The following MITF variants were observed in gnomAD, a reference collection of about 807,000 sequenced individuals.
MITF encodes microphthalmia-associated transcription factor.
In MITF, 17 loss-of-function variants were observed where a neutral mutation model predicts 60.5. The observed-to-expected ratio is 0.28, with a 90% CI of 0.19 to 0.42. The LOEUF is 0.42. MITF is among the 10% of genes least tolerant of loss of function. MITF has a pLI of 1.00. For synonymous variants in MITF, 260 were observed against 248.5 expected (o/e 1.05, Z -0.43); for missense variants, 622 against 683.5 (o/e 0.91, Z 1.00).
At chr3:69,957,392 T>G (rs2066425494) in intron 8 of MITF, among the ~76,000 whole-genome samples, 1 of 152,218 alleles carries the variant, frequency 6.6e-6, no homozygotes, top group Non-Finnish European at 1.5e-5. Flanking sequence ...CTTATTAAAT[T>G]TGCTGTTCAC....
chr3:69,753,590 G>A (rs543365048), intron 1 of MITF, among the ~76,000 whole-genome samples: 1 of 152,322 alleles, frequency 6.6e-6, no homozygotes, highest in East Asian at 1.9e-4. Flanking sequence ...TGCAGGGGCT[G>A]AACCCTGCAA....
At chr3:69,844,815 G>T (rs1301077141) in intron 1 of MITF, among the ~76,000 whole-genome samples, 1 of 151,874 alleles carries the variant, frequency 6.6e-6, no homozygotes, top group Non-Finnish European at 1.5e-5. Context: ...GCATTCCAGT[G>T]CTGAGACAAT....
intron 1 of MITF, among the ~76,000 whole-genome samples, chr3:69,821,808 G>A (rs992432258): frequency 2.6e-5 from 4 of 151,980 alleles, no homozygotes; most frequent in African/African-American, 7.2e-5. Flanking sequence ...CTGGAGTGCA[G>A]CGACGTGATC....
At chr3:69,833,721 G>A (rs62252222) in intron 1 of MITF, among the ~76,000 whole-genome samples, 2 of 129,372 alleles carry the variant, frequency 1.5e-5, no homozygotes, top group Non-Finnish European at 3.5e-5. Flanking sequence ...TGTTTACACT[G>A]TATGTGCTTT....
intron 3 of MITF, chr3:69,938,735 A>G (rs1323482304): frequency 1.5e-6 from 2 of 1,304,004 alleles, no homozygotes; most frequent in Non-Finnish European, 1.9e-6. Context: ...AATGCTCATT[A>G]TTTCCAAATT....
At chr3:69,752,087 T>TTC (rs1703959136) in intron 1 of MITF, 1 of 152,222 alleles carries the variant, frequency 6.6e-6, no homozygotes, top group South Asian at 2.1e-4. Flanking sequence ...GCATCATGCT[T>TTC]TCTGTGGAAC....
intron 2 of MITF, among the ~76,000 whole-genome samples, chr3:69,916,932 T>C (rs1441148731): frequency 1.3e-5 from 2 of 152,226 alleles, no homozygotes; most frequent in Non-Finnish European, 1.5e-5. Flanking sequence ...CTACCATTTT[T>C]AATATTTAGA....
intron 1 of MITF, among the ~76,000 whole-genome samples, chr3:69,812,085 G>A (rs1376994869): frequency 2.0e-5 from 3 of 152,164 alleles, no homozygotes; most frequent in Non-Finnish European, 4.4e-5. Flanking sequence ...CATTAGATTA[G>A]TAGAAACTTT....
chr3:69,909,601 G>T (rs202231255), intron 2 of MITF, among the ~76,000 whole-genome samples: 2,349 of 152,254 alleles, frequency 0.015, 28 homozygotes, highest in Middle Eastern at 0.051. Flanking sequence ...TAAGGCCCAG[G>T]CTGAGGTGGT....
At chr3:69,781,295 C>T (rs999274434) in intron 1 of MITF, among the ~76,000 whole-genome samples, 3 of 152,262 alleles carry the variant, frequency 2.0e-5, no homozygotes, top group East Asian at 1.9e-4. Context: ...TGTATCTTTT[C>T]AGAAAAGAGC....
intron 1 of MITF, among the ~76,000 whole-genome samples, chr3:69,773,649 CCTTG>C (rs2062428694): frequency 6.6e-6 from 1 of 152,094 alleles, no homozygotes. Flanking sequence ...TTACATTTCT[CCTTG>C]AGTATGCATA....
intron 1 of MITF, among the ~76,000 whole-genome samples, chr3:69,870,325 T>C (rs1299623212): frequency 6.7e-6 from 1 of 149,770 alleles, no homozygotes; most frequent in Non-Finnish European, 1.5e-5. Flanking sequence ...TACATGTATA[T>C]ATACACACAT....
At chr3:69,913,138 A>G (rs2065259556) in intron 2 of MITF, among the ~76,000 whole-genome samples, 1 of 152,064 alleles carries the variant, frequency 6.6e-6, no homozygotes, top group African/African-American at 2.4e-5. Context: ...ATGTATATAG[A>G]TATATAATTA....
rs575517799 is a variant in MITF, at chr3:69,961,961, C to A, written c.1179+2541C>A. Reference sequence around the variant, plus strand: ...GGCAGCCTTTAGAACTTTTGCATATCACAGAAAACATTATTAATTAGGAAA... The same window carrying A: ...GGCAGCCTTTAGAACTTTTGCATATAACAGAAAACATTATTAATTAGGAAA... On this transcript the variant is annotated intron_variant, in intron 9 of 9. Transcript: ENST00000352241. Among the ~76,000 whole-genome samples, 11 of 152,272 alleles carry A rather than the reference C, an allele frequency of 7.2e-5. No individual in the cohort carries two copies. In the South Asian group the frequency reaches 2.3e-3, roughly 32 times the overall value.
intron 1 of MITF, among the ~76,000 whole-genome samples, chr3:69,810,766 T>C (rs1245253584): frequency 6.6e-6 from 1 of 152,188 alleles, no homozygotes; most frequent in Non-Finnish European, 1.5e-5. Flanking sequence ...ACGAAGCATC[T>C]GCAGTGTACA....
chr3:69,844,971 T>C (rs563939938), intron 1 of MITF, among the ~76,000 whole-genome samples: 1 of 152,288 alleles, frequency 6.6e-6, no homozygotes, highest in Admixed American at 6.5e-5. Flanking sequence ...CAGTTTTACT[T>C]TTTTTAATTT....
At chr3:69,869,215 G>A (rs1265267744) in intron 1 of MITF, among the ~76,000 whole-genome samples, 3 of 152,130 alleles carry the variant, frequency 2.0e-5, no homozygotes, top group Non-Finnish European at 4.4e-5. Context: ...CTATGTGCTG[G>A]AGAGACAATA....
chr3:69,932,682 A>G (rs1244702002), intron 2 of MITF, among the ~76,000 whole-genome samples: 1 of 152,182 alleles, frequency 6.6e-6, no homozygotes, highest in East Asian at 1.9e-4. Context: ...GTCCAAGGAT[A>G]TATGTTCTGG....
At position 69,968,266 on chromosome 3, in the gene MITF, A is replaced by T. The variant is rs1035756023; in HGVS notation, c.*3018A>T. On this transcript the variant is annotated 3_prime_UTR_variant, in exon 10 of 10. Transcript: ENST00000352241. Reference sequence around the variant, plus strand: ...CCATAGCACTGTATATTATGGATCGATATTAATGTATCCAATGAAATAATC... The same window carrying T: ...CCATAGCACTGTATATTATGGATCGTTATTAATGTATCCAATGAAATAATC... 5 of 231,476 alleles carry T rather than the reference A, an allele frequency of 2.2e-5. No homozygotes were observed. Among genetic ancestry groups the T allele is most frequent in the Non-Finnish European group, 4.3e-5 (5 of 116,758 alleles). The allele number at this position is 231,476 out of a possible 1,614,324, so 14.3% of individuals were successfully genotyped here. A position where few individuals can be genotyped will look rare whatever the true frequency, so the allele number is the denominator to read the frequency against.
Sources: gnomAD v4.1 joint callset for allele counts (sites outside exome capture counted in the v4.1 genomes callset) on GRCh38, gnomAD v4.1.1 for gene constraint, MANE v1.5 for transcripts, NCBI Gene and HGNC (gene_info 2026-07-23, HGNC 2026-07-21) for gene names.